Variants in PTPRE observed in about 807,000 individuals in gnomAD.
The protein encoded by PTPRE is receptor-type tyrosine-protein phosphatase epsilon.
In PTPRE, 51 loss-of-function variants were observed where a neutral mutation model predicts 102.0. That is an observed-to-expected ratio of 0.50 (90% CI 0.40 to 0.63). PTPRE has a LOEUF of 0.63. Ranked by LOEUF, PTPRE falls within the 30% of genes least tolerant of loss-of-function variation. PTPRE has a pLI of 0.00. For missense variants in PTPRE, 752 were observed against 915.1 expected, an observed-to-expected ratio of 0.82 and a Z score of 2.30; for synonymous variants, 345 against 348.2, an observed-to-expected ratio of 0.99 and a Z score of 0.10.
chr10:128,072,467 A>G (rs1490276426), intron 16 of PTPRE: 2 of 351,090 alleles, frequency 5.7e-6, no homozygotes, highest in Non-Finnish European at 1.0e-5. Flanking sequence ...AGCCTGGCCA[A>G]TATGGCAAAA....
chr10:127,922,824 C>A (rs1279092482), intron 1 of PTPRE, among the ~76,000 whole-genome samples: 1 of 152,230 alleles, frequency 6.6e-6, no homozygotes, highest in Non-Finnish European at 1.5e-5. Context: ...TCTCTGGCTC[C>A]CTCCCTGCTC....
Position 128,049,612 on chromosome 10 carries a change from G to A in PTPRE, c.366G>A (p.Glu122=). 1 of 1,614,048 alleles carries A rather than the reference G, an allele frequency of 6.2e-7. No individual in the cohort carries two copies. The highest frequency in any genetic ancestry group is 8.5e-7 in the Non-Finnish European group (1 of 1,180,032). The change falls in exon 6 of 21, where the codon GAG becomes GAA. Residue 122 remains glutamate, a synonymous_variant. Coordinates refer to ENST00000254667, the MANE Select transcript of PTPRE (RefSeq NM_006504.6). ...YFPIPVEHLE[E]EIRIRSADDC... ...CCATCCCCGTGGAGCACCTGGAGGA[G>A]GAGATCCGTATCAGATCCGCCGACG...
chr10:127,963,206 G>A (rs1299610805), intron 1 of PTPRE, among the ~76,000 whole-genome samples: 1 of 152,158 alleles, frequency 6.6e-6, no homozygotes, highest in East Asian at 1.9e-4. Context: ...ACAGCTGAGG[G>A]CCTGCAACTG....
intron 1 of PTPRE, among the ~76,000 whole-genome samples, chr10:127,961,788 G>C (rs1048679829): frequency 6.6e-6 from 1 of 152,148 alleles, no homozygotes; most frequent in Non-Finnish European, 1.5e-5. Context: ...TCCCCCACAA[G>C]ACTGCAGGCA....
intron 2 of PTPRE, among the ~76,000 whole-genome samples, chr10:128,038,769 C>A (rs1330406827): frequency 1.3e-5 from 2 of 152,098 alleles, no homozygotes; most frequent in Non-Finnish European, 1.5e-5. Flanking sequence ...AACAAAACTG[C>A]ACGTTGTGCA....
chr10:128,059,586 G>C (rs890198751), intron 7 of PTPRE, among the ~76,000 whole-genome samples: 18 of 152,166 alleles, frequency 1.2e-4, no homozygotes, highest in Non-Finnish European at 1.9e-4. Flanking sequence ...ACTCAGGAAG[G>C]AGACCCTAAG....
intron 2 of PTPRE, among the ~76,000 whole-genome samples, chr10:127,991,953 G>T (rs576454415): frequency 1.3e-5 from 2 of 152,164 alleles, no homozygotes; most frequent in South Asian, 4.1e-4. Flanking sequence ...AGCACAGGCC[G>T]CCCTATCTTT....
chr10:127,979,819 C>T (rs1680892625), intron 1 of PTPRE, among the ~76,000 whole-genome samples: 1 of 152,218 alleles, frequency 6.6e-6, no homozygotes, highest in African/African-American at 2.4e-5. Flanking sequence ...TGGTTTGACT[C>T]AAGCCTGCTG....
At chr10:127,951,114 G>T (rs1029790840) in intron 1 of PTPRE, among the ~76,000 whole-genome samples, 2 of 135,088 alleles carry the variant, frequency 1.5e-5, no homozygotes, top group African/African-American at 5.0e-5. Flanking sequence ...AAGTGAAATA[G>T]ATAGGAAGCC....
In PTPRE at chr10:128,073,557, C is replaced by T; in HGVS notation, c.1599+86C>T. The stretch of plus-strand genomic sequence containing the variant: ...CCGTTCATTACAAATGTCCCACCTG[C>T]CATCACTGCAAACACATGGGTGAGA... On this transcript the variant is annotated intron_variant, in intron 17 of 20. Transcript: ENST00000254667. 2.4e-5 allele frequency: 36 copies of T among 1,486,228 alleles called. 1 individual carries two copies. The South Asian group carries it at 4.6e-4, about 19-fold the overall frequency. The allele number at this position is 1,486,228 out of a possible 1,614,324, so 92.1% of individuals were successfully genotyped here. A position where few individuals can be genotyped will look rare whatever the true frequency, so the allele number is the denominator to read the frequency against.
At chr10:127,947,456 T>C (rs1232194872) in intron 1 of PTPRE, among the ~76,000 whole-genome samples, 1 of 152,220 alleles carries the variant, frequency 6.6e-6, no homozygotes, top group Non-Finnish European at 1.5e-5. Flanking sequence ...GAAGTCTGTC[T>C]CTTGCTCTGA....
intron 2 of PTPRE, chr10:127,999,479 T>C (rs1853649055): frequency 1.0e-6 from 1 of 953,476 alleles, no homozygotes; most frequent in Non-Finnish European, 1.2e-6. Context: ...CAACTCGTCC[T>C]GGGAGCAGGG....
intron 2 of PTPRE, among the ~76,000 whole-genome samples, chr10:128,010,172 G>A (rs1263887456): frequency 6.6e-6 from 1 of 152,170 alleles, no homozygotes; most frequent in Non-Finnish European, 1.5e-5. Context: ...TTCCAGCCTG[G>A]ATACCTGAGT....
intron 1 of PTPRE, among the ~76,000 whole-genome samples, chr10:127,927,199 G>T (rs1000546139): frequency 6.6e-6 from 1 of 152,130 alleles, no homozygotes; most frequent in African/African-American, 2.4e-5. Context: ...ACCCCCCCGG[G>T]GGTTGGGTTC....
chr10:128,047,307 A>G, intron 3 of PTPRE, 83 bp from the exon 4 acceptor site: 2 of 1,514,458 alleles, frequency 1.3e-6, no homozygotes, highest in South Asian at 2.5e-5. Context: ...TCTGGTGTCC[A>G]GGAAGAAGGG....
At chr10:127,978,363 A>T (rs114001896) in intron 1 of PTPRE, among the ~76,000 whole-genome samples, 7,031 of 151,686 alleles carry the variant, frequency 0.046, 440 homozygotes, top group African/African-American at 0.14. Context: ...ACATCAGGAG[A>T]CCCTGTCTCT....
intron 2 of PTPRE, chr10:127,998,080 C>T (rs1853456366): frequency 6.6e-6 from 1 of 152,222 alleles, no homozygotes; most frequent in African/African-American, 2.4e-5. Flanking sequence ...TGCACCATCA[C>T]CATGACAACC....
chr10:128,031,912 T>C (rs1846791382), intron 2 of PTPRE, among the ~76,000 whole-genome samples: 1 of 152,118 alleles, frequency 6.6e-6, no homozygotes, highest in Non-Finnish European at 1.5e-5. Flanking sequence ...CAGGGGGCCG[T>C]ATTTCCCTCT....
chr10:127,955,666 T>G (rs1263765885), intron 1 of PTPRE, among the ~76,000 whole-genome samples: 4 of 152,176 alleles, frequency 2.6e-5, no homozygotes, highest in Non-Finnish European at 4.4e-5. Context: ...ATGCAAGGAC[T>G]TTTTCTGAAG....
Sources: allele counts gnomAD v4.1 joint callset (sites outside exome capture counted in the v4.1 genomes callset), GRCh38; gene constraint gnomAD v4.1.1; transcripts MANE v1.5; gene names NCBI Gene and HGNC (gene_info 2026-07-23, HGNC 2026-07-21).